Variants in BRWD3 observed in about 807,000 individuals in gnomAD.
The protein encoded by BRWD3 is bromodomain and WD repeat-containing protein 3.
A neutral mutation model predicts 149.7 loss-of-function variants in BRWD3; 10 were observed. That is an observed-to-expected ratio of 0.07 (90% CI 0.04 to 0.11). The LOEUF is 0.11. Among genes scored for constraint, BRWD3 ranks in the 10% least tolerant of loss-of-function variants. The pLI is 1.00. For missense variants in BRWD3, 940 were observed against 1,373.2 expected, an observed-to-expected ratio of 0.68 and a Z score of 4.99; for synonymous variants, 504 against 456.7, an observed-to-expected ratio of 1.10 and a Z score of -1.32.
intron 26 of BRWD3, among the ~76,000 whole-genome samples, 176 bp from the exon 27 acceptor site, chrX:80,696,166 GCCTACTGCCAT>G (rs1380978399): frequency 1.8e-5 from 2 of 111,079 alleles, no homozygotes; most frequent in East Asian, 5.7e-4. Context: ...GGAGTGCCCT[GCCTACTGCCAT>G]ATTACTTTAA....
At chrX:80,794,888 T>C (rs1181692328) in intron 4 of BRWD3, among the ~76,000 whole-genome samples, 2 of 111,381 alleles carry the variant, frequency 1.8e-5, no homozygotes, top group Non-Finnish European at 3.8e-5. Context: ...CTAGATTCTA[T>C]ACAAATGATA....
Position 80,712,415 on chromosome X carries a change from T to C in BRWD3, c.2326-2838A>G, listed in dbSNP as rs771338084. Among the ~76,000 whole-genome samples, 3 of 110,705 alleles carry C rather than the reference T, an allele frequency of 2.7e-5. No individual in the cohort carries two copies. The South Asian group carries it at 1.2e-3, about 43-fold the overall frequency. ...ATCCGCAAGCCTCGGCCTCCCGAGG[T>C]GCCGGGATTGCAGACGGAGTCTCGT... On this transcript the variant is annotated intron_variant, in intron 20 of 40. Transcript: ENST00000373275.
At chrX:80,778,825 C>G in intron 6 of BRWD3, among the ~76,000 whole-genome samples, 1 of 110,936 alleles carries the variant, frequency 9.0e-6, no homozygotes, top group Non-Finnish European at 1.9e-5. Context: ...ATGGTGACAC[C>G]CTGTCTCTAC....
intron 37 of BRWD3, 144 bp downstream of exon 37, chrX:80,683,866 G>C: frequency 5.7e-6 from 3 of 530,454 alleles, no homozygotes; most frequent in Non-Finnish European, 9.4e-6. Flanking sequence ...GAAAGGAAAA[G>C]GTGGTTAATT....
chrX:80,801,332 T>C (rs1034269624), intron 4 of BRWD3, among the ~76,000 whole-genome samples: 3 of 98,449 alleles, frequency 3.0e-5, no homozygotes, highest in African/African-American at 1.1e-4. Context: ...TGGATTCTCC[T>C]GCCTCAGCCT....
In BRWD3 at chrX:80,736,104, ATC is replaced by A. The variant is rs780722207; in HGVS notation, c.814-18_814-17del. 6.8e-6 allele frequency: 7 copies of A among 1,026,209 alleles called. No individual in the cohort carries two copies. The highest frequency in any genetic ancestry group is 1.9e-5 in the African/African-American group (1 of 52,833). 84.6% of individuals were successfully genotyped at this position (1,026,209 alleles called of 1,213,427 possible). A position where few individuals can be genotyped will look rare whatever the true frequency, so the allele number is the denominator to read the frequency against. On this transcript the variant is annotated splice_polypyrimidine_tract_variant and intron_variant, in intron 8 of 40. Coordinates refer to ENST00000373275, the MANE Select transcript of BRWD3 (RefSeq NM_153252.5). ...ATGGACAAAACTTAAAAAAAAAAAA[ATC>A]TGATTCAAATAAAAAGTTTTCATGT...
At chrX:80,737,630 T>A (rs2073422767) in intron 8 of BRWD3, among the ~76,000 whole-genome samples, 1 of 110,994 alleles carries the variant, frequency 9.0e-6, no homozygotes, top group Non-Finnish European at 1.9e-5. Context: ...AGGTCGGGAG[T>A]TCGAAACGAG....
chrX:80,771,154 T>A (rs2147827446), intron 6 of BRWD3, among the ~76,000 whole-genome samples: 1 of 111,545 alleles, frequency 9.0e-6, no homozygotes, highest in African/African-American at 3.3e-5. Context: ...AGAATCAGTA[T>A]CGTGAAAATG....
rs2072555359 is a variant in BRWD3 at position 80,687,920 on chromosome X, A to T, written c.3864+149T>A. On this transcript the variant is annotated intron_variant, in intron 34 of 40. Coordinates refer to ENST00000373275, the MANE Select transcript of BRWD3 (RefSeq NM_153252.5). The stretch of plus-strand genomic sequence containing the variant: ...CTCAACTGGGTACCCTTACTGCATC[A>T]CTCTAATAAATATTATCAATGAGCA... 3.5e-5 allele frequency: 17 copies of T among 486,949 alleles called. No individual in the cohort carries two copies. The South Asian group carries it at 4.4e-4, about 13-fold the overall frequency. 40.1% of individuals were successfully genotyped at this position (486,949 alleles called of 1,213,427 possible).
intron 10 of BRWD3, among the ~76,000 whole-genome samples, chrX:80,734,548 G>C (rs748138055): frequency 9.0e-6 from 1 of 111,248 alleles, no homozygotes; most frequent in East Asian, 2.8e-4. Context: ...TCTTTACTGT[G>C]GTTATAGTGG....
At chrX:80,729,375 T>C (rs2073294468) in intron 13 of BRWD3, among the ~76,000 whole-genome samples, 2 of 111,387 alleles carry the variant, frequency 1.8e-5, no homozygotes, top group Admixed American at 1.9e-4. Flanking sequence ...ATTTCTATAT[T>C]GCAACTAATG....
chrX:80,722,079 C>T (rs2073159092), intron 17 of BRWD3, among the ~76,000 whole-genome samples: 1 of 111,996 alleles, frequency 8.9e-6, no homozygotes, highest in Non-Finnish European at 1.9e-5. Flanking sequence ...AATGCCTAAC[C>T]TCAAGTAATC....
chrX:80,747,806 A>G (rs151242341), intron 6 of BRWD3, among the ~76,000 whole-genome samples: 3,991 of 112,108 alleles, frequency 0.036, 85 homozygotes, highest in Non-Finnish European at 0.059. Context: ...CTCAATTTGT[A>G]TATCAGTTAT....
At chrX:80,715,542 A>G (rs1224226407) in intron 20 of BRWD3, among the ~76,000 whole-genome samples, 1 of 112,119 alleles carries the variant, frequency 8.9e-6, no homozygotes, top group Non-Finnish European at 1.9e-5. Context: ...ATAGTACATC[A>G]CAATATACAG....
At position 80,784,595 on chromosome X, in the gene BRWD3, G is replaced by T. The variant is rs1007330831; in HGVS notation, c.430+7259C>A. Among the ~76,000 whole-genome samples, 15 of 111,045 alleles carry T rather than the reference G, an allele frequency of 1.4e-4. No homozygotes were observed. In the East Asian group the frequency reaches 4.3e-3, roughly 32 times the overall value. On this transcript the variant is annotated intron_variant, in intron 6 of 40. Coordinates refer to ENST00000373275, the MANE Select transcript of BRWD3 (RefSeq NM_153252.5). ...TTGTTCCCCCGCCCTGTGTCCATAT[G>T]TTCTCATTGTTCAGCTCCCACTTAT... is the stretch of plus-strand genomic sequence containing the variant.
At chrX:80,750,449 C>G (rs7051605) in intron 6 of BRWD3, among the ~76,000 whole-genome samples, 9,251 of 110,247 alleles carry the variant, frequency 0.084, 373 homozygotes, top group South Asian at 0.19. Flanking sequence ...AGACGACATA[C>G]AAATGGCCAA....
Position 80,674,611 on chromosome X carries a change from T to C in BRWD3, c.*1998A>G, listed in dbSNP as rs990150826. On this transcript the variant is annotated 3_prime_UTR_variant, in exon 41 of 41. Transcript: ENST00000373275. ...AGCAAAAATCAAATGTAGTTTCAAA[T>C]AGGAACGTTTTGAATCTCTACTATG... The C allele has an allele frequency of 6.3e-5, 7 of 111,571 alleles. No homozygotes were observed. The highest frequency in any genetic ancestry group is 2.0e-4 in the African/African-American group (6 of 30,756). 9.2% of individuals were successfully genotyped at this position (111,571 alleles called of 1,213,427 possible).
chrX:80,808,988 C>A, intron 3 of BRWD3, 25 bp downstream of exon 3: 2 of 1,194,873 alleles, frequency 1.7e-6, no homozygotes, highest in South Asian at 3.7e-5. Flanking sequence ...CAACCCTCCC[C>A]ACCCTTCCCG....
intron 22 of BRWD3, among the ~76,000 whole-genome samples, chrX:80,706,540 T>C (rs1678907792): frequency 8.9e-6 from 1 of 112,168 alleles, no homozygotes; most frequent in African/African-American, 3.2e-5. Context: ...GTCAGGATCA[T>C]CAATATCACC....
Sources: gnomAD v4.1 joint callset for allele counts (sites outside exome capture counted in the v4.1 genomes callset) on GRCh38, gnomAD v4.1.1 for gene constraint, MANE v1.5 for transcripts, NCBI Gene and HGNC (gene_info 2026-07-23, HGNC 2026-07-21) for gene names.